The following CAST variants were observed in gnomAD, a reference collection of about 807,000 sequenced individuals.
CAST encodes calpastatin, also known as MIR583 host.
Under a neutral mutation model 119.6 loss-of-function variants are expected in CAST, and 76 were observed. That is an observed-to-expected ratio of 0.64 (90% CI 0.53 to 0.77). CAST has a LOEUF of 0.77. Ranked by LOEUF, CAST falls within the 30% of genes least tolerant of loss-of-function variation. The pLI, the probability that CAST is intolerant of heterozygous loss-of-function variation, is 0.00. For synonymous variants in CAST, 319 were observed against 331.6 expected (o/e 0.96, Z 0.41); for missense variants, 953 against 946.5 (o/e 1.01, Z -0.09).
At chr5:95,988,231 A>G in the CAST span, among the ~76,000 whole-genome samples, 1 of 152,202 alleles carries the variant, frequency 6.6e-6, no homozygotes. Flanking sequence ...CGATTCTACA[A>G]ATAATGATCT....
intron 1 of CAST, among the ~76,000 whole-genome samples, chr5:96,670,054 T>C (rs1287199880): frequency 2.0e-5 from 3 of 152,166 alleles, no homozygotes; most frequent in Non-Finnish European, 4.4e-5. Context: ...CAGGAGCCCC[T>C]GGTAGAAGCC....
the CAST span, among the ~76,000 whole-genome samples, chr5:96,074,110 G>A: frequency 6.6e-6 from 1 of 152,226 alleles, no homozygotes; most frequent in East Asian, 1.9e-4. Flanking sequence ...TCTTTCTAGT[G>A]AACACCATGG....
At chr5:96,020,816 T>C in the CAST span, among the ~76,000 whole-genome samples, 1 of 80,828 alleles carries the variant, frequency 1.2e-5, no homozygotes, top group Admixed American at 1.3e-4. Flanking sequence ...CCCCAAACCA[T>C]CCCCCACCCC....
intron 3 of CAST, chr5:96,715,111 T>G (rs1756969718): frequency 6.6e-6 from 1 of 152,210 alleles, no homozygotes; most frequent in Admixed American, 6.5e-5. Flanking sequence ...TCTGCACTCC[T>G]CAGAACAAGT....
chr5:96,059,516 C>T, the CAST span, among the ~76,000 whole-genome samples: 1 of 152,094 alleles, frequency 6.6e-6, no homozygotes, highest in African/African-American at 2.4e-5. Context: ...GAAAAGAATA[C>T]TCAGAATTTT....
At chr5:96,274,070 T>C in the CAST span, among the ~76,000 whole-genome samples, 1 of 151,806 alleles carries the variant, frequency 6.6e-6, no homozygotes. Context: ...GAAGGGATGG[T>C]GTGAGAGAAG....
At chr5:96,239,892 C>A in the CAST span, among the ~76,000 whole-genome samples, 1 of 151,768 alleles carries the variant, frequency 6.6e-6, no homozygotes, top group African/African-American at 2.4e-5. Flanking sequence ...TATAATTTTG[C>A]GTCTTTTGGA....
chr5:96,130,351 A>G, the CAST span, among the ~76,000 whole-genome samples: 1 of 152,014 alleles, frequency 6.6e-6, no homozygotes, highest in African/African-American at 2.4e-5. Flanking sequence ...AAAAACAAAG[A>G]AAGTCTGAGA....
At chr5:96,662,936 T>C (rs553788830) in intron 1 of CAST, 12 of 588,508 alleles carry the variant, frequency 2.0e-5, no homozygotes, top group East Asian at 5.8e-5. Flanking sequence ...TCGAGCCAAA[T>C]TGGGCGGGCG....
the CAST span, among the ~76,000 whole-genome samples, chr5:96,271,113 A>G: frequency 6.6e-6 from 1 of 152,124 alleles, no homozygotes; most frequent in Non-Finnish European, 1.5e-5. Context: ...ACTATAAAAC[A>G]CTGATTAAAG....
chr5:96,409,766 C>T, the CAST span, among the ~76,000 whole-genome samples: 1 of 152,304 alleles, frequency 6.6e-6, no homozygotes, highest in African/African-American at 2.4e-5. Flanking sequence ...TAAAACCCCT[C>T]GGTAGAATGC....
At chr5:96,389,471 A>G in the CAST span, among the ~76,000 whole-genome samples, 14 of 152,220 alleles carry the variant, frequency 9.2e-5, no homozygotes, top group Non-Finnish European at 1.6e-4. Context: ...GAATTTCTGA[A>G]AGATCATTCT....
At chr5:96,064,093 G>C in the CAST span, among the ~76,000 whole-genome samples, 2 of 152,286 alleles carry the variant, frequency 1.3e-5, no homozygotes, top group Admixed American at 1.3e-4. Context: ...ACCTGTTAAA[G>C]ATGCATTTAG....
the CAST span, among the ~76,000 whole-genome samples, chr5:96,376,393 TA>T: frequency 3.3e-5 from 5 of 152,298 alleles, no homozygotes; most frequent in East Asian, 7.7e-4. Context: ...ACTATGTTAC[TA>T]GTTTATATGT....
intron 16 of CAST, among the ~76,000 whole-genome samples, chr5:96,744,208 C>T (rs1229075979): frequency 6.6e-6 from 1 of 152,152 alleles, no homozygotes; most frequent in Non-Finnish European, 1.5e-5. Context: ...CTTTTCCACT[C>T]TTATGACATA....
the CAST span, among the ~76,000 whole-genome samples, chr5:96,144,343 C>G: frequency 6.6e-6 from 1 of 152,124 alleles, no homozygotes. Flanking sequence ...GAAAGACTGA[C>G]CAAAACGGAG....
At chr5:96,364,080 A>T in the CAST span, among the ~76,000 whole-genome samples, 1 of 152,180 alleles carries the variant, frequency 6.6e-6, no homozygotes, top group Non-Finnish European at 1.5e-5. Context: ...TTCTGTATCT[A>T]TTGAGATAAT....
the CAST span, among the ~76,000 whole-genome samples, chr5:96,124,359 A>G: frequency 6.6e-6 from 1 of 152,070 alleles, no homozygotes; most frequent in African/African-American, 2.4e-5. Context: ...GCCCAACTCT[A>G]AGACAGAGTT....
rs9314176 is a variant in CAST, at chr5:96,690,274, C to G, written c.139-5562C>G. Among the ~76,000 whole-genome samples, 1,500 of 152,110 alleles carry G rather than the reference C, an allele frequency of 9.9e-3. 28 individuals carry two copies. Among genetic ancestry groups the G allele is most frequent in the African/African-American group, 0.034 (1,413 of 41,482 alleles). ...TGAGATGGGGTCTTGCTCTGTTGCC[C>G]AGGCTGGAATGCAATGGTGTGATCT... On this transcript the variant is annotated intron_variant, in intron 2 of 31. Transcript: ENST00000675179.
Sources: gnomAD v4.1 joint callset for allele counts (sites outside exome capture counted in the v4.1 genomes callset) on GRCh38, gnomAD v4.1.1 for gene constraint, MANE v1.5 for transcripts, NCBI Gene and HGNC (gene_info 2026-07-23, HGNC 2026-07-21) for gene names.